The following GRIN2A variants were observed in gnomAD, a reference collection of about 807,000 sequenced individuals.
The protein encoded by GRIN2A is glutamate receptor ionotropic, NMDA 2A.
Under a neutral mutation model 113.4 loss-of-function variants are expected in GRIN2A, and 22 were observed. That is an observed-to-expected ratio of 0.19 (90% CI 0.14 to 0.28). GRIN2A has a LOEUF of 0.28. GRIN2A is among the 10% of genes least tolerant of loss of function. GRIN2A has a pLI of 1.00. For missense variants in GRIN2A, 1,502 were observed against 1,887.0 expected (o/e 0.80, Z 3.78); for synonymous variants, 827 against 738.4 (o/e 1.12, Z -1.94).
At position 9,759,623 on chromosome 16, in the gene GRIN2A, C is replaced by G. The variant is rs963874859; in HGVS notation, c.*3526G>C. The G allele has an allele frequency of 4.3e-6, 1 of 230,072 alleles. No individual in the cohort carries two copies. Among genetic ancestry groups the G allele is most frequent in the African/African-American group, 2.2e-5 (1 of 45,166 alleles). The allele number at this position is 230,072 out of a possible 1,614,324, so 14.3% of individuals were successfully genotyped here. On this transcript the variant is annotated 3_prime_UTR_variant, in exon 13 of 13. Transcript: ENST00000330684. Reference sequence around the variant, plus strand: ...CAGAAAAACTAAATACTCAGACTCTCTGGCATCCTGTGAATCAGGGAAGAG... The same window carrying G: ...CAGAAAAACTAAATACTCAGACTCTGTGGCATCCTGTGAATCAGGGAAGAG...
intron 11 of GRIN2A, among the ~76,000 whole-genome samples, chr16:9,771,426 C>T (rs1273827876): frequency 6.6e-6 from 1 of 151,752 alleles, no homozygotes; most frequent in Non-Finnish European, 1.5e-5. Flanking sequence ...GGTTCTTTTA[C>T]AGTTCTGCCT....
chr16:9,960,559 A>T (rs1258221902), intron 2 of GRIN2A, among the ~76,000 whole-genome samples: 1 of 152,136 alleles, frequency 6.6e-6, no homozygotes, highest in African/African-American at 2.4e-5. Flanking sequence ...AGTCAACCAG[A>T]CTATCTTTTA....
chr16:10,019,034 A>G (rs1196341853), intron 2 of GRIN2A, among the ~76,000 whole-genome samples: 2 of 151,622 alleles, frequency 1.3e-5, no homozygotes, highest in Non-Finnish European at 2.9e-5. Flanking sequence ...TCCATTTCCC[A>G]ATAAGTCCAA....
At chr16:9,955,815 G>C (rs887574238) in intron 2 of GRIN2A, among the ~76,000 whole-genome samples, 1 of 152,212 alleles carries the variant, frequency 6.6e-6, no homozygotes, top group Non-Finnish European at 1.5e-5. Flanking sequence ...TGAGCTCCCT[G>C]TGTCACACAG....
intron 2 of GRIN2A, among the ~76,000 whole-genome samples, chr16:10,115,611 C>T (rs930076924): frequency 6.6e-6 from 1 of 152,212 alleles, no homozygotes; most frequent in Non-Finnish European, 1.5e-5. Flanking sequence ...GCAACAGCAC[C>T]TGAATTTTAT....
chr16:9,969,085 A>G (rs2045618317), intron 2 of GRIN2A, among the ~76,000 whole-genome samples: 1 of 152,190 alleles, frequency 6.6e-6, no homozygotes, highest in African/African-American at 2.4e-5. Flanking sequence ...AATTTAACAC[A>G]TATAGCACAT....
At chr16:10,028,893 C>A (rs1012627146) in intron 2 of GRIN2A, among the ~76,000 whole-genome samples, 1 of 152,230 alleles carries the variant, frequency 6.6e-6, no homozygotes, top group African/African-American at 2.4e-5. Flanking sequence ...CCAAATTGGG[C>A]TGGAGAACCA....
intron 5 of GRIN2A, among the ~76,000 whole-genome samples, chr16:9,845,789 C>A (rs141453298): frequency 2.5e-4 from 38 of 152,302 alleles, no homozygotes; most frequent in African/African-American, 9.1e-4. Context: ...ACCCCACATA[C>A]CCCGATGTAC....
chr16:10,154,060 T>C (rs1468222282), intron 2 of GRIN2A, among the ~76,000 whole-genome samples: 2 of 152,170 alleles, frequency 1.3e-5, no homozygotes, highest in African/African-American at 4.8e-5. Flanking sequence ...TTCCTCTCGT[T>C]CCAGGCACAT....
chr16:10,040,191 C>T (rs1444515959), intron 2 of GRIN2A, among the ~76,000 whole-genome samples: 2 of 116,558 alleles, frequency 1.7e-5, no homozygotes, highest in African/African-American at 6.4e-5. Flanking sequence ...CCCACAAATA[C>T]ACCGAACACA....
intron 8 of GRIN2A, among the ~76,000 whole-genome samples, chr16:9,829,912 A>T (rs764996644): frequency 3.3e-5 from 5 of 152,210 alleles, no homozygotes; most frequent in Non-Finnish European, 7.3e-5. Context: ...GTTATGCAAA[A>T]TGGGGGTTTG....
intron 2 of GRIN2A, among the ~76,000 whole-genome samples, chr16:9,982,148 TC>T (rs1852206588): frequency 6.6e-6 from 1 of 152,126 alleles, no homozygotes. Context: ...AAAAACTGGG[TC>T]TTTTGTTGCA....
At chr16:9,767,579 C>G (rs1406597395) in intron 12 of GRIN2A, among the ~76,000 whole-genome samples, 1 of 142,984 alleles carries the variant, frequency 7.0e-6, no homozygotes, top group Non-Finnish European at 1.5e-5. Context: ...AAAAAACAAA[C>G]AAAAACAAAA....
intron 2 of GRIN2A, among the ~76,000 whole-genome samples, chr16:10,173,501 G>C (rs11074629): frequency 0.22 from 33,427 of 152,166 alleles, 4,589 homozygotes; most frequent in East Asian, 0.48. Context: ...TATGAAATCA[G>C]TCAGCATTGA....
chr16:10,135,155 C>G (rs2049165808), intron 2 of GRIN2A, among the ~76,000 whole-genome samples: 2 of 152,174 alleles, frequency 1.3e-5, no homozygotes, highest in Non-Finnish European at 2.9e-5. Context: ...AACACTTTAC[C>G]AAGTTCATTG....
At chr16:10,124,088 T>TCTCACAACTCAACC (rs1567315711) in intron 2 of GRIN2A, among the ~76,000 whole-genome samples, 1 of 152,106 alleles carries the variant, frequency 6.6e-6, no homozygotes, top group Non-Finnish European at 1.5e-5. Flanking sequence ...AGCTTCTGAC[T>TCTCACAACTCAACC]CTCACAACTC....
chr16:10,057,287 G>C (rs9940191), intron 2 of GRIN2A, among the ~76,000 whole-genome samples: 61,854 of 151,808 alleles, frequency 0.41, 13,578 homozygotes, highest in East Asian at 0.87. Flanking sequence ...TACAATCTAA[G>C]TAAATACAAT....
At chr16:10,073,839 C>G (rs2047811484) in intron 2 of GRIN2A, among the ~76,000 whole-genome samples, 1 of 149,124 alleles carries the variant, frequency 6.7e-6, no homozygotes. Context: ...TCACTTGAGC[C>G]TGGGAGGCGG....
chr16:10,029,040 A>G (rs1197085775), intron 2 of GRIN2A, among the ~76,000 whole-genome samples: 1 of 152,204 alleles, frequency 6.6e-6, no homozygotes, highest in South Asian at 2.1e-4. Context: ...ATCCACAACC[A>G]AATGCAGAGG....
Sources: allele counts gnomAD v4.1 joint callset (sites outside exome capture counted in the v4.1 genomes callset), GRCh38; gene constraint gnomAD v4.1.1; transcripts MANE v1.5; gene names NCBI Gene and HGNC (gene_info 2026-07-23, HGNC 2026-07-21).